Variants in PDE4D observed in about 807,000 individuals in gnomAD.
PDE4D encodes 3',5'-cyclic-AMP phosphodiesterase 4D.
In PDE4D, 24 loss-of-function variants were observed where a neutral mutation model predicts 87.4. That is an observed-to-expected ratio of 0.27 (90% CI 0.20 to 0.39). The LOEUF (loss-of-function observed/expected upper bound fraction) is 0.39. PDE4D is among the 10% of genes least tolerant of loss of function. The pLI, the probability that PDE4D is intolerant of heterozygous loss-of-function variation, is 1.00. For missense variants in PDE4D, 714 were observed against 1,041.0 expected, an observed-to-expected ratio of 0.69 and a Z score of 4.32; for synonymous variants, 384 against 383.2, an observed-to-expected ratio of 1.00 and a Z score of -0.02.
Position 59,756,845 on chromosome 5 carries a change from T to C in PDE4D, c.455+136323A>G, listed in dbSNP as rs1310280669. On this transcript the variant is annotated intron_variant, in intron 1 of 14. Coordinates refer to ENST00000340635, the MANE Select transcript of PDE4D (RefSeq NM_001104631.2). The stretch of plus-strand genomic sequence containing the variant: ...TTTTTTTTTGAAATGGTATCTCCTC[T>C]GTTGTGCAATGGTGCAATCTCGGCT... Among the ~76,000 whole-genome samples the C allele has an allele frequency of 2.7e-5, 4 of 148,052 alleles. No homozygotes were observed. In the Admixed American group the frequency reaches 2.7e-4, roughly 10 times the overall value.
upstream of PDE4D, chr5:60,491,359 G>T (rs1158592307): frequency 6.6e-6 from 1 of 152,072 alleles, no homozygotes; most frequent in African/African-American, 2.4e-5. Context: ...CTCAAAATTT[G>T]CTCTTGGCAC....
chr5:59,820,245 C>A (rs1026836336), intron 1 of PDE4D, among the ~76,000 whole-genome samples: 11 of 152,190 alleles, frequency 7.2e-5, no homozygotes, highest in African/African-American at 1.9e-4. Flanking sequence ...CCATTTCGAA[C>A]TTCTGCCCAC....
At chr5:60,028,512 C>T (rs1410015916) in intron 2 of PDE4D, among the ~76,000 whole-genome samples, 2 of 152,156 alleles carry the variant, frequency 1.3e-5, no homozygotes, top group East Asian at 1.9e-4. Flanking sequence ...TTCCCTCCAA[C>T]ATATCCACCA....
intron 4 of PDE4D, among the ~76,000 whole-genome samples, chr5:59,184,023 T>C (rs1742317319): frequency 1.3e-5 from 2 of 152,156 alleles, no homozygotes; most frequent in Non-Finnish European, 2.9e-5. Flanking sequence ...CACATCACTT[T>C]GATTAGGGCT....
Position 60,063,076 on chromosome 5 carries a change from GAAGA to G in PDE4D, c.43-74363_43-74360del, listed in dbSNP as rs371293986. 5.8e-3 allele frequency among the ~76,000 whole-genome samples: 668 copies of G among 115,818 alleles called. 17 individuals carry two copies. The highest frequency in any genetic ancestry group is 0.021 in the African/African-American group (623 of 29,814). The allele number at this position is 115,818 out of a possible 152,430, so 76.0% of individuals were successfully genotyped here. ...CTGTATATGTATCCCAAAACTTAAA[GAAGA>G]AAGAAAGAAAGAAAGAAGAAAGAAA... On this transcript the variant is annotated intron_variant, in intron 2 of 16. Coordinates refer to the PDE4D transcript ENST00000502484.
intron 2 of PDE4D, among the ~76,000 whole-genome samples, chr5:60,020,226 C>G (rs1283555837): frequency 6.6e-6 from 1 of 152,034 alleles, no homozygotes; most frequent in Non-Finnish European, 1.5e-5. Flanking sequence ...GTTTTTGAAA[C>G]CCTAACACAA....
At chr5:59,545,271 T>TAG (rs1171467620) in intron 1 of PDE4D, among the ~76,000 whole-genome samples, 1 of 152,042 alleles carries the variant, frequency 6.6e-6, no homozygotes, top group Non-Finnish European at 1.5e-5. Context: ...ATGTGAGAAG[T>TAG]AGATGCAGGC....
chr5:59,332,231 T>G (rs181358687), intron 1 of PDE4D, among the ~76,000 whole-genome samples: 7 of 151,962 alleles, frequency 4.6e-5, no homozygotes, highest in African/African-American at 1.5e-4. Context: ...TCAGTGATGG[T>G]TTTTTTTGGT....
intron 1 of PDE4D, among the ~76,000 whole-genome samples, chr5:59,408,149 G>C (rs1465033242): frequency 6.6e-6 from 1 of 152,186 alleles, no homozygotes; most frequent in East Asian, 1.9e-4. Flanking sequence ...AGTCCCAGTG[G>C]TACAGGAGGA....
At chr5:59,398,699 C>T (rs1227217131) in intron 1 of PDE4D, among the ~76,000 whole-genome samples, 2 of 116,796 alleles carry the variant, frequency 1.7e-5, no homozygotes, top group Non-Finnish European at 3.6e-5. Context: ...CTCACCACTC[C>T]TATTTAACAT....
intron 1 of PDE4D, among the ~76,000 whole-genome samples, chr5:60,264,755 A>G (rs535581274): frequency 6.6e-6 from 1 of 152,308 alleles, no homozygotes; most frequent in South Asian, 2.1e-4. Context: ...GGTTGGAAGA[A>G]CCTGGAGAAG....
At chr5:59,171,227 C>A (rs889773654) in intron 5 of PDE4D, among the ~76,000 whole-genome samples, 1 of 152,128 alleles carries the variant, frequency 6.6e-6, no homozygotes, top group Admixed American at 6.6e-5. Context: ...CTGCTCTAAT[C>A]AACCCCCAAG....
chr5:58,978,638 T>C (rs1744388693), intron 11 of PDE4D, among the ~76,000 whole-genome samples: 2 of 152,308 alleles, frequency 1.3e-5, no homozygotes, highest in South Asian at 2.1e-4. Flanking sequence ...TCTATTATTT[T>C]ATCGGAACTA....
At chr5:59,165,160 C>A (rs992911493) in intron 5 of PDE4D, 7 of 152,276 alleles carry the variant, frequency 4.6e-5, no homozygotes, top group South Asian at 4.2e-4. Context: ...TCTAAGAGCA[C>A]CCTAATTTCT....
At chr5:59,975,131 T>C (rs1246643711) in intron 3 of PDE4D, among the ~76,000 whole-genome samples, 1 of 152,214 alleles carries the variant, frequency 6.6e-6, no homozygotes, top group Non-Finnish European at 1.5e-5. Flanking sequence ...CTTCCTTGTC[T>C]CTGACTTCTG....
intron 5 of PDE4D, among the ~76,000 whole-genome samples, chr5:59,108,234 CCTT>C (rs1487468048): frequency 6.6e-6 from 1 of 152,136 alleles, no homozygotes; most frequent in Non-Finnish European, 1.5e-5. Flanking sequence ...GTAGCACTGT[CCTT>C]CTACACTCAC....
chr5:59,636,841 T>C (rs1247700367), intron 1 of PDE4D, among the ~76,000 whole-genome samples: 1 of 152,162 alleles, frequency 6.6e-6, no homozygotes, highest in African/African-American at 2.4e-5. Flanking sequence ...GACATAAGCA[T>C]GGGCAAAGAG....
chr5:59,819,101 A>G (rs911580424), intron 1 of PDE4D, among the ~76,000 whole-genome samples: 1 of 152,208 alleles, frequency 6.6e-6, no homozygotes, highest in African/African-American at 2.4e-5. Flanking sequence ...CTTGGTATAA[A>G]GTTTATTTGA....
chr5:59,223,331 A>C (rs1380511639), intron 1 of PDE4D, among the ~76,000 whole-genome samples: 1 of 152,196 alleles, frequency 6.6e-6, no homozygotes, highest in African/African-American at 2.4e-5. Context: ...ACAGTCCTTC[A>C]GACCTCAGGT....
Sources: gnomAD v4.1 joint callset for allele counts (sites outside exome capture counted in the v4.1 genomes callset) on GRCh38, gnomAD v4.1.1 for gene constraint, MANE v1.5 for transcripts, NCBI Gene and HGNC (gene_info 2026-07-23, HGNC 2026-07-21) for gene names.